Variants in EVC observed in about 807,000 individuals in gnomAD.
The protein encoded by EVC is evC complex member EVC.
Under a neutral mutation model 118.9 loss-of-function variants are expected in EVC, and 116 were observed. The ratio of observed to expected loss-of-function variants is 0.98; its 90% CI spans 0.84 to 1.14. The LOEUF is 1.14. EVC is among the 50% of genes most tolerant of loss of function. The pLI is 0.00. For synonymous variants in EVC, 619 were observed against 534.7 expected (o/e 1.16, Z -2.18); for missense variants, 1,401 against 1,246.4 (o/e 1.12, Z -1.87).
chr4:5,827,959 T>C, the EVC span: 1 of 843,266 alleles, frequency 1.2e-6, no homozygotes, highest in South Asian at 5.4e-5. Context: ...GTGCTAAGGT[T>C]GTTCAAGGAA....
intron 5 of EVC, among the ~76,000 whole-genome samples, chr4:5,733,815 G>A (rs2291153): frequency 1.3e-5 from 2 of 151,980 alleles, no homozygotes; most frequent in South Asian, 2.1e-4. Context: ...TGCTATGTAC[G>A]AGGTCCCAGG....
At chr4:5,732,188 C>T (rs7437498) in intron 4 of EVC, among the ~76,000 whole-genome samples, 20,202 of 152,176 alleles carry the variant, frequency 0.13, 1,758 homozygotes, top group East Asian at 0.31. Flanking sequence ...CCGTGAGTGA[C>T]GGAGCCGGAT....
At chr4:5,730,017 G>C (rs917534015) in intron 3 of EVC, among the ~76,000 whole-genome samples, 26 of 152,176 alleles carry the variant, frequency 1.7e-4, no homozygotes, top group Admixed American at 1.6e-3. Flanking sequence ...AGTGAAATAA[G>C]TTTGGGAAAA....
rs1432106393 is a variant in EVC at position 5,789,795 on chromosome 4, C to A, written c.1777-3813C>A. Among the ~76,000 whole-genome samples the A allele has an allele frequency of 1.3e-5, 2 of 152,214 alleles. No individual in the cohort carries two copies. The highest frequency in any genetic ancestry group is 4.8e-5 in the African/African-American group (2 of 41,452). On this transcript the variant is annotated intron_variant, in intron 12 of 20. Transcript: ENST00000264956. This position sits in a 1 kb window ranked among gnomAD's most constrained non-coding sequence, Gnocchi z 4.3. The stretch of plus-strand genomic sequence containing the variant: ...CAGAGATCTTGACCTTATCGATCAT[C>A]ATCGAATCCTGTTGCTAGTTTAAGC...
chr4:5,720,678 G>A (rs1724797294), intron 2 of EVC, among the ~76,000 whole-genome samples: 1 of 152,200 alleles, frequency 6.6e-6, no homozygotes, highest in South Asian at 2.1e-4. Context: ...GTAGAGGGGG[G>A]CATTGCCCTG....
At chr4:5,826,525 G>C in the EVC span, 2 of 151,404 alleles carry the variant, frequency 1.3e-5, no homozygotes, top group African/African-American at 2.4e-5. Flanking sequence ...TAGCCCCACT[G>C]GGAAAGGGTT....
chr4:5,745,383 C>G (rs1364687163), intron 7 of EVC, 42 bp downstream of exon 7: 3 of 1,608,358 alleles, frequency 1.9e-6, no homozygotes, highest in Non-Finnish European at 2.6e-6. Context: ...ATTTTGGTTC[C>G]TAAAACAGTT....
chr4:5,819,129 T>G (rs546263805), downstream of EVC, among the ~76,000 whole-genome samples: 87 of 152,308 alleles, frequency 5.7e-4, no homozygotes, highest in Admixed American at 2.6e-4. Context: ...TACCTTATAT[T>G]GTACATAAAG....
At chr4:5,720,744 G>C (rs1394713139) in intron 2 of EVC, among the ~76,000 whole-genome samples, 3 of 152,190 alleles carry the variant, frequency 2.0e-5, no homozygotes. Context: ...GCTATCCCGG[G>C]ACATGGCTTG....
chr4:5,777,214 C>T (rs915398120), intron 11 of EVC, among the ~76,000 whole-genome samples: 4 of 152,148 alleles, frequency 2.6e-5, no homozygotes, highest in African/African-American at 4.8e-5. Context: ...CTCTAGTGAT[C>T]CAGGGTCACC....
Position 5,748,207 on chromosome 4 carries a change from G to A in EVC, c.999G>A (p.Lys333=), listed in dbSNP as rs1729659333. The change falls in exon 8 of 21, where the codon AAG becomes AAA. Residue 333 remains lysine, a synonymous_variant. Coordinates refer to ENST00000264956, the MANE Select transcript of EVC (RefSeq NM_153717.3). ...AGCACTTTCTTGTGGACCAGTTTAA[G>A]TGTTCCAGCTCCAAAGCCCGACAGC... is the stretch of plus-strand genomic sequence containing the variant. ...NIQHFLVDQF[K]CSSSKARQLM... The A allele has an allele frequency of 1.2e-6, 2 of 1,614,194 alleles. No homozygotes were observed. Among genetic ancestry groups the A allele is most frequent in the East Asian group, 2.2e-5 (1 of 44,874 alleles).
At chr4:5,794,327 A>ATATATATTTT (rs71171485) in intron 13 of EVC, among the ~76,000 whole-genome samples, 3 of 118,732 alleles carry the variant, frequency 2.5e-5, no homozygotes, top group Non-Finnish European at 3.5e-5. Flanking sequence ...ATATATATTT[A>ATATATATTTT]TATATATTTA....
At chr4:5,803,673 T>G (rs1202245752) in intron 16 of EVC, among the ~76,000 whole-genome samples, 1 of 152,198 alleles carries the variant, frequency 6.6e-6, no homozygotes, top group African/African-American at 2.4e-5. Context: ...TCCTTTTTCC[T>G]TATTTAGTAA....
intron 11 of EVC, among the ~76,000 whole-genome samples, chr4:5,767,228 G>A (rs62297664): frequency 0.053 from 8,136 of 152,126 alleles, 283 homozygotes; most frequent in South Asian, 0.075. Flanking sequence ...CAGGGTTCAG[G>A]GACCCACTTG....
At chr4:5,740,586 A>T (rs1363087490) in intron 5 of EVC, among the ~76,000 whole-genome samples, 1 of 152,202 alleles carries the variant, frequency 6.6e-6, no homozygotes, top group African/African-American at 2.4e-5. Context: ...AGGAAAAATT[A>T]ACTGGAATTC....
At chr4:5,771,345 C>A (rs1733925459) in intron 11 of EVC, among the ~76,000 whole-genome samples, 1 of 152,170 alleles carries the variant, frequency 6.6e-6, no homozygotes, top group Non-Finnish European at 1.5e-5. Flanking sequence ...CCTGCCTCTG[C>A]TTCCACCATT....
rs534434528 is a variant in EVC, at chr4:5,737,658, C to A, written c.703-4058C>A. Among the ~76,000 whole-genome samples, 4 of 152,326 alleles carry A rather than the reference C, an allele frequency of 2.6e-5. No individual in the cohort carries two copies. The highest frequency in any genetic ancestry group is 2.0e-4 in the Admixed American group (3 of 15,304). On this transcript the variant is annotated intron_variant, in intron 5 of 20. Transcript: ENST00000264956. The surrounding 1 kb of genome is among the most constrained non-coding windows in gnomAD (Gnocchi z 5.0). ...TGCCTGTGCTCTATAAGTGGAACAA[C>A]AAAGCCTGGATCACAACACAGCTGT...
intron 1 of EVC, among the ~76,000 whole-genome samples, chr4:5,714,426 C>T (rs1340212903): frequency 7.0e-6 from 1 of 142,184 alleles, no homozygotes; most frequent in Admixed American, 6.7e-5. Flanking sequence ...CTTGTTAACT[C>T]TTTCAGCTGA....
At chr4:5,815,904 G>C (rs1307292756), downstream of EVC, among the ~76,000 whole-genome samples, 7 of 151,552 alleles carry the variant, frequency 4.6e-5, no homozygotes, top group East Asian at 1.4e-3. Flanking sequence ...CTTTCCTCCT[G>C]TGGCAACTGG....
Sources: allele counts gnomAD v4.1 joint callset (sites outside exome capture counted in the v4.1 genomes callset), GRCh38; gene constraint gnomAD v4.1.1; non-coding constraint Gnocchi (gnomAD v3.1); transcripts MANE v1.5; gene names NCBI Gene and HGNC (gene_info 2026-07-23, HGNC 2026-07-21).